TUSC3: variants seen among roughly 807,000 people sequenced by gnomAD.
The protein encoded by TUSC3 is tumor suppressor candidate 3.
TUSC3 carries 45 observed loss-of-function variants against 44.8 expected under a neutral mutation model. The observed-to-expected ratio is 1.00, with a 90% CI of 0.79 to 1.29. The LOEUF (loss-of-function observed/expected upper bound fraction) is 1.29. Ranked by LOEUF, TUSC3 falls within the 50% of genes most tolerant of loss-of-function variation. The probability of loss-of-function intolerance (pLI) is 0.00; values close to 1 mark genes in which losing one functional copy is unlikely to be tolerated. For missense variants in TUSC3, 519 were observed against 437.9 expected (o/e 1.19, Z -1.65); for synonymous variants, 212 against 152.9 (o/e 1.39, Z -2.85).
the TUSC3 span, among the ~76,000 whole-genome samples, chr8:15,805,376 A>C: frequency 6.6e-6 from 1 of 152,082 alleles, no homozygotes. Context: ...TGTTGAATAA[A>C]AGTGGTTGAG....
chr8:15,803,118 T>A, the TUSC3 span, among the ~76,000 whole-genome samples: 2 of 152,214 alleles, frequency 1.3e-5, no homozygotes, highest in Non-Finnish European at 2.9e-5. Flanking sequence ...GTTACCTTCA[T>A]AATGTTGGTC....
At chr8:15,592,715 A>T (rs936174717) in intron 1 of TUSC3, among the ~76,000 whole-genome samples, 6 of 152,156 alleles carry the variant, frequency 3.9e-5, no homozygotes, top group Admixed American at 2.6e-4. Flanking sequence ...TAAATTATCA[A>T]ATTTTAGATA....
At chr8:15,507,295 C>T (rs1263077260) in intron 2 of TUSC3, among the ~76,000 whole-genome samples, 2 of 152,094 alleles carry the variant, frequency 1.3e-5, no homozygotes, top group African/African-American at 4.8e-5. Context: ...CCTCAGGGTC[C>T]TTTTTAATTA....
intron 1 of TUSC3, among the ~76,000 whole-genome samples, chr8:15,587,704 A>C (rs944106945): frequency 3.9e-4 from 60 of 152,040 alleles, no homozygotes; most frequent in African/African-American, 1.4e-3. Flanking sequence ...TGTATTAACC[A>C]ACCTCACCCT....
At position 15,700,605 on chromosome 8, in the gene TUSC3, G is replaced by A. The variant is rs576018705; in HGVS notation, c.798+26769G>A. ...AATTTGATGTGGTTAGTGCCTGTGA[G>A]TGTTGAGAAATGAGGCTAGAAAGAT... is the stretch of plus-strand genomic sequence containing the variant. On this transcript the variant is annotated intron_variant, in intron 6 of 10. Coordinates refer to ENST00000503731, the MANE Select transcript of TUSC3 (RefSeq NM_006765.4). 2.6e-5 allele frequency among the ~76,000 whole-genome samples: 4 copies of A among 152,232 alleles called. No individual in the cohort carries two copies. In the East Asian group the frequency reaches 7.7e-4, roughly 29 times the overall value.
intron 1 of TUSC3, among the ~76,000 whole-genome samples, chr8:15,572,774 G>T (rs527760453): frequency 6.6e-6 from 1 of 152,240 alleles, no homozygotes; most frequent in African/African-American, 2.4e-5. Flanking sequence ...CAATAGGAAC[G>T]TGTGAGAAGA....
chr8:15,526,756 C>T (rs900548198), intron 2 of TUSC3, among the ~76,000 whole-genome samples: 4 of 152,110 alleles, frequency 2.6e-5, no homozygotes, highest in Non-Finnish European at 2.9e-5. Flanking sequence ...TGATAACAGA[C>T]TAATACAGAG....
intron 6 of TUSC3, among the ~76,000 whole-genome samples, chr8:15,681,603 A>G (rs1306758930): frequency 7.6e-6 from 1 of 131,752 alleles, no homozygotes; most frequent in African/African-American, 2.8e-5. Context: ...GATCTTGTTT[A>G]TCCTTTCAAA....
At chr8:15,602,213 G>C (rs1804317345) in intron 1 of TUSC3, among the ~76,000 whole-genome samples, 1 of 151,556 alleles carries the variant, frequency 6.6e-6, no homozygotes, top group African/African-American at 2.4e-5. Flanking sequence ...TTTTGGATGA[G>C]GGATACTCAG....
At chr8:15,483,648 G>GTTTTTTTTTTTTTT (rs1398002093) in intron 2 of TUSC3, among the ~76,000 whole-genome samples, 2 of 43,448 alleles carry the variant, frequency 4.6e-5, no homozygotes, top group African/African-American at 1.6e-4. Context: ...CTAGCACTGT[G>GTTTTTTTTTTTTTT]ATTTTTTTTT....
At chr8:15,644,571 T>C (rs1457813852) in intron 2 of TUSC3, among the ~76,000 whole-genome samples, 2 of 152,140 alleles carry the variant, frequency 1.3e-5, no homozygotes, top group African/African-American at 4.8e-5. Flanking sequence ...CTGAATTTCT[T>C]TATCTGTCAT....
chr8:15,783,646 T>C, the TUSC3 span, among the ~76,000 whole-genome samples: 1 of 152,190 alleles, frequency 6.6e-6, no homozygotes, highest in Non-Finnish European at 1.5e-5. Flanking sequence ...TTTTAATAAA[T>C]GGTGTTGGGG....
intron 2 of TUSC3, among the ~76,000 whole-genome samples, chr8:15,630,622 G>T (rs141726093): frequency 0.01 from 1,570 of 152,240 alleles, 15 homozygotes; most frequent in Non-Finnish European, 0.016. Flanking sequence ...AGAATTTAAT[G>T]CTTTCCTTAA....
At chr8:15,420,993 T>C (rs576723708) in intron 1 of TUSC3, among the ~76,000 whole-genome samples, 1 of 152,288 alleles carries the variant, frequency 6.6e-6, no homozygotes, top group African/African-American at 2.4e-5. Flanking sequence ...TGACACTAAT[T>C]TTTTATCTCT....
the TUSC3 span, among the ~76,000 whole-genome samples, chr8:15,800,432 G>A: frequency 2.0e-5 from 3 of 152,032 alleles, no homozygotes; most frequent in Non-Finnish European, 4.4e-5. Context: ...AATTAGCCGG[G>A]CATGGTGGCT....
chr8:15,493,954 G>A (rs1320447988), intron 2 of TUSC3, among the ~76,000 whole-genome samples: 1 of 152,124 alleles, frequency 6.6e-6, no homozygotes, highest in Admixed American at 6.5e-5. Flanking sequence ...ACTTCTGGAC[G>A]TACAGTTTGC....
chr8:15,677,336 T>C (rs1431561971), intron 6 of TUSC3, among the ~76,000 whole-genome samples: 1 of 152,208 alleles, frequency 6.6e-6, no homozygotes, highest in Non-Finnish European at 1.5e-5. Flanking sequence ...TTAGTAAATA[T>C]GATTTAATCT....
chr8:15,494,336 G>C (rs959523381), intron 2 of TUSC3, among the ~76,000 whole-genome samples: 1 of 51,538 alleles, frequency 1.9e-5, no homozygotes, highest in African/African-American at 6.2e-5. Context: ...TTTTTTTTTT[G>C]AGACAGAGTC....
chr8:15,587,028 T>G (rs572175940), intron 1 of TUSC3, among the ~76,000 whole-genome samples: 1 of 152,204 alleles, frequency 6.6e-6, no homozygotes, highest in African/African-American at 2.4e-5. Flanking sequence ...CTTAATATGT[T>G]AATAGCCAGT....
Sources: allele counts gnomAD v4.1 joint callset (sites outside exome capture counted in the v4.1 genomes callset), GRCh38; gene constraint gnomAD v4.1.1; transcripts MANE v1.5; gene names NCBI Gene and HGNC (gene_info 2026-07-23, HGNC 2026-07-21).